Variants in RELN observed in about 807,000 individuals in gnomAD.
RELN encodes the protein reelin.
RELN carries 108 observed loss-of-function variants against 427.6 expected under a neutral mutation model. The ratio of observed to expected loss-of-function variants is 0.25; its 90% CI spans 0.22 to 0.30. RELN has a LOEUF of 0.30. RELN is among the 10% of genes least tolerant of loss of function. The pLI is 1.00. For synonymous variants in RELN, 1,524 were observed against 1,513.4 expected (o/e 1.01, Z -0.16); for missense variants, 3,715 against 4,302.8 (o/e 0.86, Z 3.82).
intron 2 of RELN, among the ~76,000 whole-genome samples, chr7:103,861,001 G>A (rs1337388717): frequency 1.3e-5 from 2 of 152,040 alleles, no homozygotes; most frequent in African/African-American, 4.8e-5. Context: ...TCCTAGTTGA[G>A]GACAAACAAT....
At chr7:103,520,568 G>A (rs918220976) in intron 48 of RELN, among the ~76,000 whole-genome samples, 2 of 152,060 alleles carry the variant, frequency 1.3e-5, no homozygotes, top group African/African-American at 2.4e-5. Context: ...GAGCCACCGC[G>A]CCTGTAAATA....
intron 17 of RELN, among the ~76,000 whole-genome samples, chr7:103,637,156 C>T (rs1832600816): frequency 6.6e-6 from 1 of 152,116 alleles, no homozygotes; most frequent in African/African-American, 2.4e-5. Flanking sequence ...CAGGAGTGCC[C>T]CAAGTTTTCT....
intron 46 of RELN, among the ~76,000 whole-genome samples, chr7:103,527,832 A>G (rs1322810716): frequency 6.6e-6 from 1 of 152,238 alleles, no homozygotes; most frequent in African/African-American, 2.4e-5. Flanking sequence ...AAGAAGCCCA[A>G]CATCATCAGC....
At chr7:103,551,872 A>T (rs1044856419) in intron 40 of RELN, among the ~76,000 whole-genome samples, 2 of 152,028 alleles carry the variant, frequency 1.3e-5, no homozygotes, top group African/African-American at 4.8e-5. Flanking sequence ...AAGTGAAATA[A>T]TTACTACGGC....
Position 103,490,590 on chromosome 7 carries a change from AGTT to A in RELN, c.9605+75_9605+77del, listed in dbSNP as rs1828616840. 3.5e-6 allele frequency: 5 copies of A among 1,444,878 alleles called. No homozygotes were observed. In the East Asian group the frequency reaches 1.1e-4, roughly 33 times the overall value. The allele number at this position is 1,444,878 out of a possible 1,614,324, so 89.5% of individuals were successfully genotyped here. ...ATGTAAAGCTCTGCCTCACACTGTC[AGTT>A]GTTTTCAGCTCACTGCATGAACTCT... On this transcript the variant is annotated intron_variant, in intron 59 of 64. Transcript: ENST00000428762.
intron 16 of RELN, among the ~76,000 whole-genome samples, chr7:103,642,583 C>T (rs1422085438): frequency 2.6e-5 from 4 of 152,046 alleles, no homozygotes; most frequent in African/African-American, 9.7e-5. Context: ...AAGCATGATT[C>T]CACTCAAAGC....
chr7:103,882,156 A>G (rs1172240111), intron 2 of RELN, among the ~76,000 whole-genome samples: 1 of 152,220 alleles, frequency 6.6e-6, no homozygotes, highest in African/African-American at 2.4e-5. Flanking sequence ...AATGAAAATA[A>G]CTAATGCTAT....
Position 103,848,018 on chromosome 7 carries a change from C to A in RELN, c.338-14346G>T, listed in dbSNP as rs946751658. 3.1e-4 allele frequency among the ~76,000 whole-genome samples: 47 copies of A among 152,204 alleles called. 1 individual carries two copies. The highest frequency in any genetic ancestry group is 6.5e-5 in the Admixed American group (1 of 15,270). On this transcript the variant is annotated intron_variant, in intron 2 of 64. Transcript: ENST00000428762. ...TCTACCTGGAGCTGTTTGTATATGG[C>A]AGCAGTCACAGGTTATTTAGATATA... is the stretch of plus-strand genomic sequence containing the variant.
intron 6 of RELN, among the ~76,000 whole-genome samples, chr7:103,729,849 T>C (rs1379229940): frequency 6.6e-6 from 1 of 152,164 alleles, no homozygotes; most frequent in Non-Finnish European, 1.5e-5. Context: ...GTGTTAGCTG[T>C]TATTATTGCT....
chr7:103,758,050 T>C (rs1336408565), intron 4 of RELN, among the ~76,000 whole-genome samples: 1 of 152,224 alleles, frequency 6.6e-6, no homozygotes, highest in Non-Finnish European at 1.5e-5. Context: ...AGGATGAATC[T>C]AGGAATATCC....
chr7:103,844,056 G>T (rs930464764), intron 2 of RELN, among the ~76,000 whole-genome samples: 3 of 152,156 alleles, frequency 2.0e-5, no homozygotes, highest in Non-Finnish European at 2.9e-5. Flanking sequence ...CCTGTGACCT[G>T]CTCTCTTGTG....
Position 103,892,296 on chromosome 7 carries a change from A to G in RELN, c.337+24779T>C, listed in dbSNP as rs78256010. 4.0e-3 allele frequency among the ~76,000 whole-genome samples: 603 copies of G among 152,250 alleles called. 23 individuals are homozygous for G. The East Asian group carries it at 0.072, about 18-fold the overall frequency. The stretch of plus-strand genomic sequence containing the variant: ...AAAGCCTTCCATGCTGACCAAAAAC[A>G]CCCATGATGGGCTGATACACAAGTG... On this transcript the variant is annotated intron_variant, in intron 2 of 64. Coordinates refer to ENST00000428762, the MANE Select transcript of RELN (RefSeq NM_005045.4).
At chr7:103,857,314 G>A (rs1793969723) in intron 2 of RELN, among the ~76,000 whole-genome samples, 1 of 152,166 alleles carries the variant, frequency 6.6e-6, no homozygotes, top group Admixed American at 6.5e-5. Context: ...AATGAGGAGA[G>A]CACCATAGCA....
At chr7:103,511,938 G>A (rs982095393) in intron 50 of RELN, among the ~76,000 whole-genome samples, 6 of 152,126 alleles carry the variant, frequency 3.9e-5, no homozygotes, top group South Asian at 4.1e-4. Flanking sequence ...GCACCAAATC[G>A]ATCCATCACT....
At chr7:103,710,110 G>A (rs1286358880) in intron 8 of RELN, among the ~76,000 whole-genome samples, 3 of 152,200 alleles carry the variant, frequency 2.0e-5, no homozygotes. Context: ...GATTTACCAT[G>A]AAGCTGATGA....
At position 103,963,039 on chromosome 7, in the gene RELN, G is replaced by C. The variant is rs185417991; in HGVS notation, c.226+26092C>G. On this transcript the variant is annotated intron_variant, in intron 1 of 64. Transcript: ENST00000428762. ...AAGGAAACACCAAGAACAGGAGACA[G>C]ACGTAAGCCAGTGATGGGAACAATA... Among the ~76,000 whole-genome samples, 283 of 152,144 alleles carry C rather than the reference G, an allele frequency of 1.9e-3. 3 individuals are homozygous for C. Among genetic ancestry groups the C allele is most frequent in the Non-Finnish European group, 1.2e-3 (82 of 67,998 alleles).
intron 24 of RELN, among the ~76,000 whole-genome samples, chr7:103,600,149 A>G (rs1350585583): frequency 1.3e-5 from 2 of 152,144 alleles, no homozygotes; most frequent in African/African-American, 4.8e-5. Context: ...ACTCCACCTC[A>G]GCCTCACAAA....
rs180938015 is a variant in RELN at position 103,982,144 on chromosome 7, C to T, written c.226+6987G>A. On this transcript the variant is annotated intron_variant, in intron 1 of 64. Transcript: ENST00000428762. Reference sequence around the variant, plus strand: ...AGGTGTCACTGCACTCCAGCCTGGGCGACACTGAGACTCTGCCTCAATAAT... The same window carrying T: ...AGGTGTCACTGCACTCCAGCCTGGGTGACACTGAGACTCTGCCTCAATAAT... 2.7e-3 allele frequency among the ~76,000 whole-genome samples: 410 copies of T among 152,064 alleles called. 1 individual carries two copies. Among genetic ancestry groups the T allele is most frequent in the African/African-American group, 9.6e-3 (398 of 41,478 alleles).
chr7:103,786,974 G>A lies in RELN; in HGVS notation c.474-10347C>T, dbSNP rs543400697. Among the ~76,000 whole-genome samples the A allele has an allele frequency of 2.0e-5, 3 of 151,974 alleles. No homozygotes were observed. The East Asian group carries it at 5.8e-4, about 29-fold the overall frequency. ...GAAGTAAAACACTCCTCAGCAAATG[G>A]AAAAGAAAGGAAATCATAACAGTCT... On this transcript the variant is annotated intron_variant, in intron 3 of 64. Coordinates refer to ENST00000428762, the MANE Select transcript of RELN (RefSeq NM_005045.4).
Sources: gnomAD v4.1 joint callset for allele counts (sites outside exome capture counted in the v4.1 genomes callset) on GRCh38, gnomAD v4.1.1 for gene constraint, MANE v1.5 for transcripts, NCBI Gene and HGNC (gene_info 2026-07-23, HGNC 2026-07-21) for gene names.